Variants in RASSF3 observed in about 807,000 individuals in gnomAD.
The protein encoded by RASSF3 is Ras association domain family member 3, also known as ras association domain-containing protein 3.
RASSF3 carries 19 observed loss-of-function variants against 19.9 expected under a neutral mutation model. The observed-to-expected ratio is 0.96, with a 90% CI of 0.67 to 1.40. RASSF3 has a LOEUF of 1.40. Ranked by LOEUF, RASSF3 falls within the 40% of genes most tolerant of loss-of-function variation. The probability of loss-of-function intolerance (pLI) is 0.00; values close to 1 mark genes in which losing one functional copy is unlikely to be tolerated. For synonymous variants in RASSF3, 110 were observed against 104.2 expected, an observed-to-expected ratio of 1.06 and a Z score of -0.34; for missense variants, 306 against 289.8, an observed-to-expected ratio of 1.06 and a Z score of -0.41.
chr12:64,656,937 T>C (rs576316810), intron 1 of RASSF3, among the ~76,000 whole-genome samples: 1 of 151,652 alleles, frequency 6.6e-6, no homozygotes, highest in East Asian at 1.9e-4. Context: ...GTGCCTAGAG[T>C]AGCCACATTC....
chr12:64,580,453 T>TC (rs1265242860), intron 2 of RASSF3, among the ~76,000 whole-genome samples: 1 of 152,010 alleles, frequency 6.6e-6, no homozygotes, highest in Non-Finnish European at 1.5e-5. Context: ...AGTCCCAGAT[T>TC]CCTGGGAGGC....
At chr12:64,686,718 T>G in intron 2 of RASSF3, among the ~76,000 whole-genome samples, 1 of 150,760 alleles carries the variant, frequency 6.6e-6, no homozygotes, top group African/African-American at 2.4e-5. Flanking sequence ...TCCCAGCTAC[T>G]CAGGAGGCTG....
chr12:64,524,058 T>C (rs111374107), intron 1 of RASSF3, among the ~76,000 whole-genome samples: 1 of 148,998 alleles, frequency 6.7e-6, no homozygotes, highest in African/African-American at 2.5e-5. Context: ...TGCTCTTTTT[T>C]TTTTTTTTTT....
chr12:64,633,114 A>G (rs770433439), intron 1 of RASSF3, among the ~76,000 whole-genome samples: 2 of 152,046 alleles, frequency 1.3e-5, no homozygotes, highest in African/African-American at 2.4e-5. Context: ...CATTTTGTTT[A>G]TTCCTTTTGA....
At position 64,679,584 on chromosome 12, in the gene RASSF3, G is replaced by A. The variant is rs1284455590; in HGVS notation, c.112-5203G>A. Among the ~76,000 whole-genome samples, 4 of 152,064 alleles carry A rather than the reference G, an allele frequency of 2.6e-5. No individual in the cohort carries two copies. The South Asian group carries it at 6.2e-4, about 24-fold the overall frequency. On this transcript the variant is annotated intron_variant, in intron 1 of 4. Coordinates refer to ENST00000542104, the MANE Select transcript of RASSF3 (RefSeq NM_178169.4). ...GAGTAGAGCCTGGGTCATGCTACCC[G>A]AGAACTCCTGGGTGCCTGTGAGGTT...
At chr12:64,560,177 C>G (rs1339262805) in intron 2 of RASSF3, among the ~76,000 whole-genome samples, 1 of 152,238 alleles carries the variant, frequency 6.6e-6, no homozygotes, top group African/African-American at 2.4e-5. Flanking sequence ...GCCCCCATCC[C>G]ATGTTTCAGA....
chr12:64,559,307 G>A lies in RASSF3; in HGVS notation c.294+17602G>A, dbSNP rs148939097. On this transcript the variant is annotated intron_variant, in intron 2 of 5. Coordinates refer to the RASSF3 transcript ENST00000637125. ...CGTCCAGGCTGGAGTGCAGTGGCGC[G>A]ATCTCGGTTCACTGCAACCTCCACC... is the stretch of plus-strand genomic sequence containing the variant. 5.5e-3 allele frequency among the ~76,000 whole-genome samples: 817 copies of A among 149,836 alleles called. 4 individuals carry two copies. Among genetic ancestry groups the A allele is most frequent in the African/African-American group, 0.02 (794 of 40,586 alleles).
At chr12:64,609,646 A>G (rs1001236501), upstream of RASSF3, among the ~76,000 whole-genome samples, 1 of 152,186 alleles carries the variant, frequency 6.6e-6, no homozygotes, top group Non-Finnish European at 1.5e-5. Flanking sequence ...CTTTTTTTGT[A>G]CGTGGATGGA....
At chr12:64,514,816 G>A (rs78877712) in intron 1 of RASSF3, among the ~76,000 whole-genome samples, 2,290 of 152,188 alleles carry the variant, frequency 0.015, 52 homozygotes, top group African/African-American at 0.05. Flanking sequence ...CTGTGTCCCT[G>A]AGAGAAAGAA....
At chr12:64,648,042 CAGA>C (rs1251250258) in intron 1 of RASSF3, among the ~76,000 whole-genome samples, 3 of 152,194 alleles carry the variant, frequency 2.0e-5, no homozygotes, top group African/African-American at 7.2e-5. Flanking sequence ...CTTTGTGTAG[CAGA>C]AGATGTTTGA....
intron 4 of RASSF3, among the ~76,000 whole-genome samples, chr12:64,691,961 A>G (rs1868293335): frequency 6.6e-6 from 1 of 152,212 alleles, no homozygotes. Context: ...TACTAACAAA[A>G]GTCTCCAGGC....
chr12:64,531,541 A>G (rs992308928), upstream of RASSF3, among the ~76,000 whole-genome samples: 23 of 152,218 alleles, frequency 1.5e-4, no homozygotes, highest in African/African-American at 5.1e-4. Flanking sequence ...TATTTTTTCC[A>G]AAATGAACAT....
At chr12:64,659,600 T>C (rs1052502789) in intron 1 of RASSF3, among the ~76,000 whole-genome samples, 2 of 152,166 alleles carry the variant, frequency 1.3e-5, no homozygotes, top group Non-Finnish European at 2.9e-5. Flanking sequence ...TGCAACAGTC[T>C]ATTAATAGAA....
intron 2 of RASSF3, among the ~76,000 whole-genome samples, chr12:64,558,997 T>C (rs933627749): frequency 6.6e-6 from 1 of 152,208 alleles, no homozygotes; most frequent in African/African-American, 2.4e-5. Context: ...TCCAGCCCTC[T>C]GGCTGCAGCC....
At chr12:64,623,084 G>C (rs189626522) in intron 1 of RASSF3, among the ~76,000 whole-genome samples, 4 of 152,118 alleles carry the variant, frequency 2.6e-5, no homozygotes, top group African/African-American at 9.7e-5. Flanking sequence ...GCCTCCCTGA[G>C]TGCTGAGATT....
At chr12:64,674,737 G>A (rs1432208246) in intron 1 of RASSF3, among the ~76,000 whole-genome samples, 1 of 152,144 alleles carries the variant, frequency 6.6e-6, no homozygotes, top group East Asian at 1.9e-4. Flanking sequence ...GGCTGTTGTG[G>A]TTAGGACGGC....
chr12:64,642,219 A>G (rs778916453), intron 1 of RASSF3, among the ~76,000 whole-genome samples: 64 of 152,252 alleles, frequency 4.2e-4, no homozygotes, highest in Non-Finnish European at 7.1e-4. Context: ...CTAAAAAACT[A>G]TCTTAAGGAA....
intron 2 of RASSF3, among the ~76,000 whole-genome samples, chr12:64,583,231 G>C (rs995208956): frequency 2.2e-4 from 33 of 152,162 alleles, no homozygotes; most frequent in African/African-American, 7.5e-4. Flanking sequence ...GCTTTGTTTA[G>C]GCTGTTTCTG....
downstream of RASSF3, among the ~76,000 whole-genome samples, chr12:64,544,579 C>G (rs1237264746): frequency 1.3e-5 from 2 of 151,602 alleles, no homozygotes; most frequent in African/African-American, 2.4e-5. Flanking sequence ...ACCCGCACCA[C>G]TGCCCTTAAG....
Sources: allele counts gnomAD v4.1 joint callset (sites outside exome capture counted in the v4.1 genomes callset), GRCh38; gene constraint gnomAD v4.1.1; transcripts MANE v1.5; gene names NCBI Gene and HGNC (gene_info 2026-07-23, HGNC 2026-07-21).